MSTO1: variants seen among roughly 807,000 people sequenced by gnomAD.
The protein encoded by MSTO1 is protein misato homolog 1.
In MSTO1, 24 loss-of-function variants were observed where a neutral mutation model predicts 55.7. That is an observed-to-expected ratio of 0.43 (90% CI 0.31 to 0.61). The LOEUF (loss-of-function observed/expected upper bound fraction) is 0.61. MSTO1 is among the 20% of genes least tolerant of loss of function. MSTO1 has a pLI of 0.09. For missense variants in MSTO1, 363 were observed against 625.7 expected, an observed-to-expected ratio of 0.58 and a Z score of 4.48; for synonymous variants, 162 against 252.8, an observed-to-expected ratio of 0.64 and a Z score of 3.41.
chr1:155,579,842 C>T, the MSTO1 span, among the ~76,000 whole-genome samples: 3 of 151,994 alleles, frequency 2.0e-5, no homozygotes, highest in African/African-American at 4.8e-5. Flanking sequence ...TTTGGGAGGC[C>T]GAGGCAGGCA....
chr1:155,579,389 C>T, the MSTO1 span, among the ~76,000 whole-genome samples: 1 of 151,994 alleles, frequency 6.6e-6, no homozygotes, highest in Non-Finnish European at 1.5e-5. Flanking sequence ...TGAATGGAAG[C>T]TACAAGGAGA....
chr1:155,606,198 C>CTTTTTTTTTTTTTTTTTTTT (rs747681932), upstream of MSTO1, among the ~76,000 whole-genome samples: 5 of 28,110 alleles, frequency 1.8e-4, no homozygotes, highest in Non-Finnish European at 2.1e-4. Context: ...CATGCCCAGC[C>CTTTTTTTTTTTTTTTTTTTT]TTTTTTTTTT....
At chr1:155,609,804 A>C (rs1222856699), upstream of MSTO1, 8 of 193,182 alleles carry the variant, frequency 4.1e-5, no homozygotes, top group East Asian at 1.6e-4. Context: ...TTCTGAAGAG[A>C]TGAAGGGGCA....
Position 155,611,528 on chromosome 1 carries a change from G to A in MSTO1, c.367-21G>A, listed in dbSNP as rs202139573. 4.0e-3 allele frequency: 6,432 copies of A among 1,612,838 alleles called. 17 individuals are homozygous for A. The highest frequency in any genetic ancestry group is 5.1e-3 in the Non-Finnish European group (5,967 of 1,179,632). On this transcript the variant is annotated intron_variant, in intron 4 of 13. Coordinates refer to ENST00000245564, the MANE Select transcript of MSTO1 (RefSeq NM_018116.4). ...TCTAAACTGCCTGGAACTAAATGTC[G>A]ATTTTTCTGACCCCTCCCAGGGAGT...
chr1:155,609,828 G>C (rs960527014), upstream of MSTO1: 16 of 210,638 alleles, frequency 7.6e-5, 1 homozygote, highest in East Asian at 2.0e-3. Flanking sequence ...GAGGCTTTAG[G>C]GGAGCTTCCG....
the MSTO1 span, chr1:155,591,157 T>C: frequency 3.1e-6 from 5 of 1,613,344 alleles, no homozygotes; most frequent in African/African-American, 4.0e-5. Context: ...CTGTTGCCGA[T>C]GAAAGTGGTC....
At chr1:155,566,133 C>T in the MSTO1 span, 1 of 152,204 alleles carries the variant, frequency 6.6e-6, no homozygotes, top group African/African-American at 2.4e-5. Context: ...ACAGCACCAC[C>T]GTCGAAGCTC....
the MSTO1 span, among the ~76,000 whole-genome samples, chr1:155,589,240 G>A: frequency 6.6e-6 from 1 of 152,002 alleles, no homozygotes; most frequent in Non-Finnish European, 1.5e-5. Context: ...GGAGGTTGCA[G>A]TGAGCCGAGA....
chr1:155,581,137 T>A, the MSTO1 span, among the ~76,000 whole-genome samples: 3 of 152,132 alleles, frequency 2.0e-5, no homozygotes, highest in African/African-American at 7.2e-5. Flanking sequence ...TTTTGTTTTT[T>A]AATTGTTTTT....
At chr1:155,586,296 G>C in the MSTO1 span, among the ~76,000 whole-genome samples, 2 of 151,124 alleles carry the variant, frequency 1.3e-5, no homozygotes, top group Non-Finnish European at 2.9e-5. Flanking sequence ...ACCCGCCTCG[G>C]CCTCCCTAAG....
Position 155,613,498 on chromosome 1 carries a change from T to C in MSTO1, c.1320T>C (p.Leu440=). 1 of 1,613,904 alleles carries C rather than the reference T, an allele frequency of 6.2e-7. No individual in the cohort carries two copies. The highest frequency in any genetic ancestry group is 8.5e-7 in the Non-Finnish European group (1 of 1,179,894). Residue 440 remains leucine, a synonymous_variant, in exon 12 of 14, where the codon CTT becomes CTC. Transcript: ENST00000245564. The part of the protein sequence containing the change: ...LTPGTPPPSA[L]HACTTGEEIL... The stretch of plus-strand genomic sequence containing the variant: ...CAGGGACACCTCCACCCTCTGCCCT[T>C]CATGCATGTACCACTGGGGAAGAAA...
the MSTO1 span, among the ~76,000 whole-genome samples, chr1:155,604,792 T>C: frequency 2.6e-5 from 4 of 152,082 alleles, no homozygotes; most frequent in African/African-American, 9.7e-5. Context: ...GGAGGATGGC[T>C]TGAGCCCAAG....
chr1:155,593,085 T>C, the MSTO1 span, among the ~76,000 whole-genome samples: 1 of 152,086 alleles, frequency 6.6e-6, no homozygotes, highest in African/African-American at 2.4e-5. Flanking sequence ...CTAATTTTTT[T>C]GTATTTTTAG....
the MSTO1 span, among the ~76,000 whole-genome samples, chr1:155,585,624 G>C: frequency 6.6e-6 from 1 of 151,714 alleles, no homozygotes. Flanking sequence ...TGGATATTGA[G>C]AGTTACATTT....
At chr1:155,587,745 GAAA>G in the MSTO1 span, among the ~76,000 whole-genome samples, 3 of 47,416 alleles carry the variant, frequency 6.3e-5, no homozygotes, top group Non-Finnish European at 8.7e-5. Context: ...CTCCGTCTCA[GAAA>G]AAAAAAAAAA....
chr1:155,613,361 C>T, intron 11 of MSTO1, 101 bp from the exon 12 acceptor site: 1 of 1,573,012 alleles, frequency 6.4e-7, no homozygotes, highest in African/African-American at 1.4e-5. Flanking sequence ...AAAAAAAGGG[C>T]TTTGAATATC....
chr1:155,609,148 C>A (rs1673206662), upstream of MSTO1, among the ~76,000 whole-genome samples: 1 of 147,218 alleles, frequency 6.8e-6, no homozygotes, highest in Admixed American at 6.9e-5. Flanking sequence ...TCTAAATACA[C>A]ACAAGAATGT....
Position 155,614,819 on chromosome 1 carries a change from C to T in MSTO1, c.*546C>T, listed in dbSNP as rs1675254513. On this transcript the variant is annotated 3_prime_UTR_variant, in exon 14 of 14. Transcript: ENST00000245564. ...GCATCATCCTCATCCTCAGAGCTGGCTTCACAGGCAGTGTGGAAGAGCTGC... is the reference window on the plus strand; with the variant it reads ...GCATCATCCTCATCCTCAGAGCTGGTTTCACAGGCAGTGTGGAAGAGCTGC... The T allele has an allele frequency of 4.4e-6, 7 of 1,577,956 alleles. No homozygotes were observed. In the South Asian group the frequency reaches 8.1e-5, roughly 18 times the overall value.
the MSTO1 span, among the ~76,000 whole-genome samples, chr1:155,594,149 C>T: frequency 6.6e-6 from 1 of 152,086 alleles, no homozygotes; most frequent in African/African-American, 2.4e-5. Context: ...CACCTGTAAT[C>T]TCAGTACTTT....
Sources: gnomAD v4.1 joint callset for allele counts (sites outside exome capture counted in the v4.1 genomes callset) on GRCh38, gnomAD v4.1.1 for gene constraint, MANE v1.5 for transcripts, NCBI Gene and HGNC (gene_info 2026-07-23, HGNC 2026-07-21) for gene names.